TERB2: variants seen among roughly 807,000 people sequenced by gnomAD.
The protein encoded by TERB2 is telomere repeat binding bouquet formation protein 2, also known as telomere repeats-binding bouquet formation protein 2.
In TERB2, 26 loss-of-function variants were observed where a neutral mutation model predicts 29.8. That is an observed-to-expected ratio of 0.87 (90% CI 0.64 to 1.21). The LOEUF (loss-of-function observed/expected upper bound fraction) is 1.21, where lower values mean the gene tolerates loss of function less well. Ranked by LOEUF, TERB2 falls within the 50% of genes most tolerant of loss-of-function variation. The probability of loss-of-function intolerance (pLI) is 0.00; values close to 1 mark genes in which losing one functional copy is unlikely to be tolerated. For missense variants in TERB2, 240 were observed against 268.6 expected (o/e 0.89, Z 0.74); for synonymous variants, 80 against 90.8 (o/e 0.88, Z 0.68).
intron 6 of TERB2, among the ~76,000 whole-genome samples, chr15:44,978,156 G>A (rs567531058): frequency 2.0e-5 from 3 of 152,262 alleles, no homozygotes; most frequent in East Asian, 3.9e-4. Context: ...AGTGATTACC[G>A]TCTAAGCTAG....
chr15:44,969,988 G>C (rs1403127245), intron 5 of TERB2: 1 of 151,766 alleles, frequency 6.6e-6, no homozygotes, highest in African/African-American at 2.4e-5. Context: ...GAACCACTGA[G>C]AGACAGTGTC....
intron 6 of TERB2, among the ~76,000 whole-genome samples, chr15:44,976,646 G>A (rs1180751956): frequency 6.6e-6 from 1 of 152,152 alleles, no homozygotes; most frequent in Non-Finnish European, 1.5e-5. Flanking sequence ...TCAGGAGGTG[G>A]GGATCAGTTG....
In TERB2 at chr15:44,969,639, A is replaced by G. The variant is rs189549623; in HGVS notation, c.434+3396A>G. On this transcript the variant is annotated intron_variant, in intron 5 of 6. Transcript: ENST00000340827. Reference sequence around the variant, plus strand: ...GCCAGTCACTACAAAAGATAAAAAAAAAAAATTAACTGGGTGTAGTGGTGT... The same window carrying G: ...GCCAGTCACTACAAAAGATAAAAAAGAAAAATTAACTGGGTGTAGTGGTGT... Among the ~76,000 whole-genome samples the G allele has an allele frequency of 1.7e-3, 253 of 151,524 alleles. 10 individuals carry two copies. The highest frequency in any genetic ancestry group is 5.8e-3 in the African/African-American group (238 of 40,966).
At position 44,966,160 on chromosome 15, in the gene TERB2, T is replaced by C. The variant is rs77861669; in HGVS notation, c.351T>C (p.His117=). The C allele has an allele frequency of 1.3e-6, 2 of 1,526,324 alleles. No individual in the cohort carries two copies. The highest frequency in any genetic ancestry group is 1.4e-5 in the African/African-American group (1 of 70,268). The allele number at this position is 1,526,324 out of a possible 1,614,324, so 94.5% of individuals were successfully genotyped here. A position where few individuals can be genotyped will look rare whatever the true frequency, so the allele number is the denominator to read the frequency against. Residue 117 remains histidine, a splice_region_variant and synonymous_variant, in exon 5 of 7, where the codon CAT becomes CAC. Coordinates refer to ENST00000340827, the MANE Select transcript of TERB2 (RefSeq NM_152448.3). ...GTGATTTACTTTTCTATCCACAGCA[T>C]GATGAAGTAACACCAAATGAAATAA... is the stretch of plus-strand genomic sequence containing the variant. ...EQDQHFLIEK[H]DEVTPNEIKT... is the part of the protein sequence containing the mutation.
rs777424465 is a variant in TERB2 at position 44,958,438 on chromosome 15, C to T, written c.212C>T (p.Ala71Val). ...GTTTTTCATGCCTACTATCTCTCTG[C>T]GGTAGCTAATGCCAAAATAAAAAAC... ...ATVFHAYYLS[A>V]VANAKIKNSV... Residue 71 changes from alanine (A) to valine (V), a missense_variant, in exon 3 of 7, where the codon GCG becomes GTG. Ala to Val is a moderately conservative substitution (Grantham distance 64). Transcript: ENST00000340827. 6 of 1,614,104 alleles carry T rather than the reference C, an allele frequency of 3.7e-6. No homozygotes were observed. The highest frequency in any genetic ancestry group is 1.7e-5 in the Admixed American group (1 of 60,018).
At chr15:44,969,705 G>A (rs1407806770) in intron 5 of TERB2, among the ~76,000 whole-genome samples, 2 of 151,328 alleles carry the variant, frequency 1.3e-5, no homozygotes, top group Non-Finnish European at 2.9e-5. Flanking sequence ...GGGGCAGGAG[G>A]ATTGCTTAAG....
chr15:44,962,544 A>C (rs1267471400), intron 4 of TERB2, among the ~76,000 whole-genome samples: 1 of 152,114 alleles, frequency 6.6e-6, no homozygotes, highest in Non-Finnish European at 1.5e-5. Flanking sequence ...CCTATGATGC[A>C]CAGTTTGTTC....
chr15:44,973,991 G>A, intron 6 of TERB2, 36 bp downstream of exon 6: 1 of 1,464,546 alleles, frequency 6.8e-7, no homozygotes, highest in South Asian at 1.4e-5. Flanking sequence ...AACTCAGGTA[G>A]GAAAGAAACA....
intron 5 of TERB2, among the ~76,000 whole-genome samples, chr15:44,971,758 G>A (rs944201030): frequency 2.1e-5 from 3 of 146,162 alleles, no homozygotes; most frequent in African/African-American, 7.5e-5. Context: ...TCTGTCCTCC[G>A]AAAAAAAAAA....
In TERB2 at chr15:44,958,465, C is replaced by T. The variant is rs1891755197; in HGVS notation, c.239C>T (p.Ser80Leu). Residue 80 changes from serine to leucine, a missense_variant, in exon 3 of 7, where the codon TCG (serine) becomes TTG (leucine). Coordinates refer to ENST00000340827, the MANE Select transcript of TERB2 (RefSeq NM_152448.3). ...SAVANAKIKN[S>L]VALGHFILPP... ...GTAGCTAATGCCAAAATAAAAAACT[C>T]GGTGGCTTTGGGTCATTTCATTCTT... is the stretch of plus-strand genomic sequence containing the variant. 1.2e-6 allele frequency: 2 copies of T among 1,614,074 alleles called. No individual in the cohort carries two copies. The highest frequency in any genetic ancestry group is 8.5e-7 in the Non-Finnish European group (1 of 1,179,982).
intron 6 of TERB2, among the ~76,000 whole-genome samples, chr15:44,976,448 T>C (rs1029897982): frequency 1.1e-4 from 16 of 152,034 alleles, no homozygotes; most frequent in Non-Finnish European, 2.1e-4. Context: ...ATAAGGACCA[T>C]CCACAGCATG....
intron 6 of TERB2, among the ~76,000 whole-genome samples, chr15:44,977,116 C>CACACACACACACACACACA (rs1566947510): frequency 6.6e-6 from 1 of 151,420 alleles, no homozygotes; most frequent in Non-Finnish European, 1.5e-5. Context: ...CACACACACA[C>CACACACACACACACACACA]CCCAGAAAAA....
intron 5 of TERB2, chr15:44,970,641 C>T (rs115746888): frequency 1.2e-5 from 2 of 166,454 alleles, no homozygotes; most frequent in Admixed American, 6.4e-5. Flanking sequence ...ATTTTGAGAT[C>T]GTTACCTTCT....
intron 6 of TERB2, among the ~76,000 whole-genome samples, chr15:44,974,525 T>C (rs1892015735): frequency 6.6e-6 from 1 of 152,192 alleles, no homozygotes; most frequent in African/African-American, 2.4e-5. Context: ...TTGGGTTTCC[T>C]ATCCTAGTGC....
At chr15:44,966,827 T>C (rs1306022545) in intron 5 of TERB2, among the ~76,000 whole-genome samples, 1 of 152,178 alleles carries the variant, frequency 6.6e-6, no homozygotes, top group Admixed American at 6.5e-5. Context: ...ATTTGGGCAT[T>C]GTGCCGCATG....
chr15:44,967,865 A>G (rs1048980230), intron 5 of TERB2, among the ~76,000 whole-genome samples: 1 of 112,596 alleles, frequency 8.9e-6, no homozygotes, highest in African/African-American at 3.6e-5. Flanking sequence ...TGTAATTTAT[A>G]TAATTTTTTC....
At chr15:44,963,761 T>C (rs1031157176) in intron 4 of TERB2, among the ~76,000 whole-genome samples, 8 of 150,880 alleles carry the variant, frequency 5.3e-5, no homozygotes, top group African/African-American at 2.0e-4. Context: ...TGTTAACACT[T>C]TGTGAATCTA....
intron 5 of TERB2, among the ~76,000 whole-genome samples, chr15:44,969,009 A>C (rs1476738469): frequency 6.6e-6 from 1 of 152,046 alleles, no homozygotes; most frequent in African/African-American, 2.4e-5. Flanking sequence ...AGCTCACTGC[A>C]ACCTGGAACT....
At chr15:44,974,426 A>G (rs761404236) in intron 6 of TERB2, among the ~76,000 whole-genome samples, 1 of 152,230 alleles carries the variant, frequency 6.6e-6, no homozygotes, top group Non-Finnish European at 1.5e-5. Flanking sequence ...ACAAAAACAT[A>G]ACACACAAAC....
Sources: gnomAD v4.1 joint callset for allele counts (sites outside exome capture counted in the v4.1 genomes callset) on GRCh38, gnomAD v4.1.1 for gene constraint, MANE v1.5 for transcripts, NCBI Gene and HGNC (gene_info 2026-07-23, HGNC 2026-07-21) for gene names.